The following NECTIN2 variants were observed in gnomAD, a reference collection of about 807,000 sequenced individuals.
NECTIN2 encodes the protein nectin-2.
A neutral mutation model predicts 56.9 loss-of-function variants in NECTIN2; 23 were observed. The observed-to-expected ratio is 0.40, with a 90% confidence interval of 0.29 to 0.57. The LOEUF (loss-of-function observed/expected upper bound fraction) is 0.57, where lower values mean the gene tolerates loss of function less well. Among genes scored for constraint, NECTIN2 ranks in the 20% least tolerant of loss-of-function variants. The pLI is 0.38. For synonymous variants in NECTIN2, 302 were observed against 313.8 expected (o/e 0.96, Z 0.40); for missense variants, 587 against 718.3 (o/e 0.82, Z 2.09).
At chr19:44,881,951 TTGTTCTCCC>T in intron 5 of NECTIN2, 1 of 331,948 alleles carries the variant, frequency 3.0e-6, no homozygotes, top group East Asian at 4.7e-5. Flanking sequence ...TTGCTTACTG[TTGTTCTCCC>T]TGCCCAACCA....
At chr19:44,872,647 A>G (rs1410258491) in intron 3 of NECTIN2, among the ~76,000 whole-genome samples, 2 of 151,828 alleles carry the variant, frequency 1.3e-5, no homozygotes, top group Non-Finnish European at 1.5e-5. Context: ...CCATGTCCAC[A>G]TGTCTACATG....
intron 1 of NECTIN2, among the ~76,000 whole-genome samples, chr19:44,854,303 G>C (rs918473801): frequency 6.6e-6 from 1 of 152,028 alleles, no homozygotes; most frequent in African/African-American, 2.4e-5. Flanking sequence ...GGCTGGTCTC[G>C]AACTCCTGGC....
chr19:44,884,456 G>A (rs150172674), intron 6 of NECTIN2, among the ~76,000 whole-genome samples: 3 of 152,086 alleles, frequency 2.0e-5, no homozygotes, highest in Non-Finnish European at 2.9e-5. Context: ...TGCCCAGCCT[G>A]GAATCTGTAT....
At position 44,875,375 on chromosome 19, in the gene NECTIN2, C is replaced by T. The variant is rs1969225309; in HGVS notation, c.1042+897C>T. 1.3e-5 allele frequency among the ~76,000 whole-genome samples: 2 copies of T among 151,868 alleles called. No homozygotes were observed. Among genetic ancestry groups the T allele is most frequent in the South Asian group, 4.1e-4 (2 of 4,828 alleles). On this transcript the variant is annotated intron_variant, in intron 5 of 8. Coordinates refer to ENST00000252483, the MANE Select transcript of NECTIN2 (RefSeq NM_001042724.2). The surrounding 1 kb of genome is among the most constrained non-coding windows in gnomAD (Gnocchi z 4.2). ...CCGCCTCCCGGGTTCAAGCAATTAT[C>T]CTGCCTCAGCCTCCTGAGTAGCTGG... is the stretch of plus-strand genomic sequence containing the variant.
intron 1 of NECTIN2, among the ~76,000 whole-genome samples, chr19:44,853,228 C>G (rs1448285958): frequency 6.6e-6 from 1 of 151,916 alleles, no homozygotes; most frequent in Non-Finnish European, 1.5e-5. Context: ...ACGGAGTCTC[C>G]CTCTGTCCCC....
intron 2 of NECTIN2, among the ~76,000 whole-genome samples, chr19:44,871,581 G>A (rs1022990441): frequency 2.0e-5 from 3 of 152,076 alleles, no homozygotes; most frequent in African/African-American, 7.2e-5. Flanking sequence ...GGGCAGTGCA[G>A]GCCAGACATT....
rs1354878051 is a variant in NECTIN2 at position 44,871,956 on chromosome 19, C to T, written c.582C>T (p.Ile194=). 6.2e-7 allele frequency: 1 copy of T among 1,614,078 alleles called. No homozygotes were observed. The highest frequency in any genetic ancestry group is 1.1e-5 in the South Asian group (1 of 91,094). The change falls in exon 3 of 9, where the codon ATC becomes ATT. Residue 194 remains isoleucine (I), a synonymous_variant. Transcript: ENST00000252483. ...AAGAGGGCCGCCCACCTGCCCGGAT[C>T]TCCTGGCTCTCATCCCTGGACTGGG... ...ISKEGRPPAR[I]SWLSSLDWEA... is the part of the protein sequence containing the mutation.
rs41290104 is a variant in NECTIN2 at position 44,871,907 on chromosome 19, C to A, written c.533C>A (p.Thr178Lys). 7.4e-6 allele frequency: 12 copies of A among 1,614,068 alleles called. No individual in the cohort carries two copies. In the South Asian group the frequency reaches 1.2e-4, roughly 16 times the overall value. ...AQKVTFSQDP[T>K]TVALCISKEG... ...AAGGTCACGTTCAGCCAGGACCCTA[C>A]GACAGTGGCCCTCTGCATCTCCAAA... Residue 178 changes from threonine (T) to lysine (K), a missense_variant, in exon 3 of 9, where the codon ACG (threonine) becomes AAG (lysine). Coordinates refer to ENST00000252483, the MANE Select transcript of NECTIN2 (RefSeq NM_001042724.2).
chr19:44,863,660 CGTG>C (rs200126866), intron 1 of NECTIN2, among the ~76,000 whole-genome samples: 4,580 of 151,772 alleles, frequency 0.03, 230 homozygotes, highest in African/African-American at 0.11. Flanking sequence ...GCCTGGCCAA[CGTG>C]GTGAAAGCCC....
chr19:44,862,465 A>AT (rs1969043742), intron 1 of NECTIN2, among the ~76,000 whole-genome samples: 2 of 114,746 alleles, frequency 1.7e-5, no homozygotes, highest in Non-Finnish European at 4.0e-5. Flanking sequence ...TCCTGGAACA[A>AT]TAAAAAAAAA....
chr19:44,871,756 C>T, intron 2 of NECTIN2, 97 bp from the exon 3 acceptor site: 1 of 1,356,596 alleles, frequency 7.4e-7, no homozygotes, highest in Non-Finnish European at 1.0e-6. Context: ...GGATTGGAAC[C>T]CCGGCAGTTA....
chr19:44,870,699 C>T (rs1969163553), intron 2 of NECTIN2, among the ~76,000 whole-genome samples: 2 of 151,152 alleles, frequency 1.3e-5, no homozygotes, highest in Non-Finnish European at 1.5e-5. Context: ...CTCAGTTACT[C>T]GCTCGGCCTT....
chr19:44,868,351 CAA>C (rs569384558), intron 2 of NECTIN2, among the ~76,000 whole-genome samples: 42 of 80,752 alleles, frequency 5.2e-4, no homozygotes, highest in Non-Finnish European at 5.2e-4. Flanking sequence ...GACCCTGTCT[CAA>C]AAAAAAAAAA....
chr19:44,865,633 C>A lies in NECTIN2; in HGVS notation c.451C>A (p.Arg151=). Residue 151 remains arginine (R), a synonymous_variant, in exon 2 of 9, where the codon CGA becomes AGA. Coordinates refer to ENST00000252483, the MANE Select transcript of NECTIN2 (RefSeq NM_001042724.2). The surrounding 1 kb of genome is among the most constrained non-coding windows in gnomAD (Gnocchi z 5.2). ...TGCCACCTTCCCCAAGGGGTCCGTC[C>A]GAGGGATGACCTGGCTCAGAGTCAT... ...EFATFPKGSV[R]GMTWLRVIAK... 1 of 1,534,494 alleles carries A rather than the reference C, an allele frequency of 6.5e-7. No homozygotes were observed. Among genetic ancestry groups the A allele is most frequent in the Non-Finnish European group, 8.7e-7 (1 of 1,144,572 alleles).
intron 5 of NECTIN2, among the ~76,000 whole-genome samples, chr19:44,880,551 G>T (rs183161720): frequency 7.9e-6 from 1 of 127,224 alleles, no homozygotes; most frequent in East Asian, 2.4e-4. Context: ...GCAGTGGTAC[G>T]ATCTCGGCTC....
chr19:44,885,349 C>T (rs1306231472), intron 6 of NECTIN2, among the ~76,000 whole-genome samples: 2 of 140,950 alleles, frequency 1.4e-5, no homozygotes, highest in Non-Finnish European at 3.0e-5. Flanking sequence ...TGGCATCTCA[C>T]TCTATTGCAC....
chr19:44,849,359 A>G (rs746398023), intron 1 of NECTIN2, among the ~76,000 whole-genome samples: 3 of 152,130 alleles, frequency 2.0e-5, no homozygotes, highest in Non-Finnish European at 4.4e-5. Flanking sequence ...GGGAGCCCCA[A>G]AGACTCCAGC....
In NECTIN2 at chr19:44,865,125, T is replaced by A. The variant is rs1180768542; in HGVS notation, c.89-146T>A. 1 of 832,494 alleles carries A rather than the reference T, an allele frequency of 1.2e-6. No individual in the cohort carries two copies. The highest frequency in any genetic ancestry group is 1.7e-5 in the African/African-American group (1 of 58,726). 51.6% of individuals were successfully genotyped at this position (832,494 alleles called of 1,614,324 possible). ...CCCTAAAATGTCTTTTCCAGGTGGCTTTTTTGGAATCAGGATGCTGCGAAG... is the reference window on the plus strand; with the variant it reads ...CCCTAAAATGTCTTTTCCAGGTGGCATTTTTGGAATCAGGATGCTGCGAAG... On this transcript the variant is annotated intron_variant, in intron 1 of 8. Transcript: ENST00000252483. This position sits in a 1 kb window ranked among gnomAD's most constrained non-coding sequence, Gnocchi z 5.2.
In NECTIN2 at chr19:44,886,175, C is replaced by G. The variant is rs781628582; in HGVS notation, c.1303C>G (p.Leu435Val). ...FTLGASEHSP[L>V]KTPYFDAGAS... ...TCTGGGGGCCTCGGAGCACAGCCCA[C>G]TCAAGACCCCCTACTTTGATGCTGG... The change falls in exon 8 of 9, where the codon CTC becomes GTC. Residue 435 changes from leucine (L) to valine (V), a missense_variant. By Grantham distance (32) the Leu-to-Val change is conservative (BLOSUM62 1). Coordinates refer to ENST00000252483, the MANE Select transcript of NECTIN2 (RefSeq NM_001042724.2). 6.2e-7 allele frequency: 1 copy of G among 1,612,880 alleles called. No homozygotes were observed. The highest frequency in any genetic ancestry group is 1.3e-5 in the African/African-American group (1 of 74,894).
Sources: gnomAD v4.1 joint callset for allele counts (sites outside exome capture counted in the v4.1 genomes callset) on GRCh38, gnomAD v4.1.1 for gene constraint, Gnocchi (gnomAD v3.1) non-coding constraint, MANE v1.5 for transcripts, NCBI Gene and HGNC (gene_info 2026-07-23, HGNC 2026-07-21) for gene names.